The following FTCDNL1 variants were observed in gnomAD, a reference collection of about 807,000 sequenced individuals.
FTCDNL1 encodes formiminotransferase cyclodeaminase N-terminal like, also known as formiminotransferase N-terminal subdomain-containing protein.
In FTCDNL1, 11 loss-of-function variants were observed where a neutral mutation model predicts 5.9. That is an observed-to-expected ratio of 1.87 (90% CI 1.18 to 3.10). The LOEUF is 3.10. Ranked by LOEUF, FTCDNL1 falls within the 30% of genes most tolerant of loss-of-function variation. The probability of loss-of-function intolerance (pLI) is 0.00; values close to 1 mark genes in which losing one functional copy is unlikely to be tolerated. For synonymous variants in FTCDNL1, 58 were observed against 24.8 expected, an observed-to-expected ratio of 2.34 and a Z score of -3.99; for missense variants, 115 against 65.5, an observed-to-expected ratio of 1.76 and a Z score of -2.61.
chr2:199,778,691 G>C (rs1201306172), intron 3 of FTCDNL1, among the ~76,000 whole-genome samples: 1 of 152,174 alleles, frequency 6.6e-6, no homozygotes, highest in African/African-American at 2.4e-5. Context: ...CTGAGTGTGG[G>C]ATTACAAAAA....
chr2:199,822,944 A>C (rs556364985), intron 3 of FTCDNL1, among the ~76,000 whole-genome samples: 43 of 152,260 alleles, frequency 2.8e-4, no homozygotes, highest in African/African-American at 9.6e-4. Context: ...TCTGCCTCCC[A>C]GGTTCAAGTG....
the FTCDNL1 span, among the ~76,000 whole-genome samples, chr2:199,672,274 A>G: frequency 6.6e-6 from 1 of 152,212 alleles, no homozygotes; most frequent in Non-Finnish European, 1.5e-5. Flanking sequence ...TCAAACTGAC[A>G]TGAGAGGGTC....
downstream of FTCDNL1, among the ~76,000 whole-genome samples, chr2:199,805,835 C>T (rs897078744): frequency 4.6e-5 from 7 of 151,870 alleles, no homozygotes; most frequent in African/African-American, 1.5e-4. Context: ...GGGAGGATCA[C>T]TTCAGCCTGG....
intron 3 of FTCDNL1, among the ~76,000 whole-genome samples, chr2:199,763,877 C>T (rs1698385060): frequency 6.6e-6 from 1 of 151,940 alleles, no homozygotes; most frequent in African/African-American, 2.4e-5. Flanking sequence ...AGTCTTGCTC[C>T]GTCACACAGG....
At chr2:199,792,539 AC>A (rs1339295733) in intron 3 of FTCDNL1, among the ~76,000 whole-genome samples, 1 of 152,066 alleles carries the variant, frequency 6.6e-6, no homozygotes, top group Non-Finnish European at 1.5e-5. Context: ...AAATTTCTGT[AC>A]CTTTCGTGCC....
In FTCDNL1 at chr2:199,812,711, C is replaced by A; in HGVS notation, c.411G>T (p.Ala137=). The A allele has an allele frequency of 1.4e-6, 1 of 698,784 alleles. No homozygotes were observed. Among genetic ancestry groups the A allele is most frequent in the Non-Finnish European group, 2.6e-6 (1 of 383,488 alleles). 43.3% of individuals were successfully genotyped at this position (698,784 alleles called of 1,614,324 possible). The change falls in exon 5 of 5, where the codon GCG becomes GCT. Residue 137 remains alanine, a synonymous_variant. Transcript: ENST00000420128. ...TTTTCTTCCAACACAACTGTCACAA[C>A]GCCCTGAAGCAAGCTAAAAACAAGG... ...QRCGLTACFR[A]L
chr2:199,771,300 A>G (rs916747460), intron 3 of FTCDNL1, among the ~76,000 whole-genome samples: 7 of 152,162 alleles, frequency 4.6e-5, no homozygotes, highest in Non-Finnish European at 7.3e-5. Flanking sequence ...GTTTCAGACA[A>G]TGAGTATTCT....
intron 3 of FTCDNL1, among the ~76,000 whole-genome samples, chr2:199,766,557 G>A (rs934085708): frequency 1.3e-5 from 2 of 152,196 alleles, no homozygotes; most frequent in Non-Finnish European, 2.9e-5. Flanking sequence ...TCAGAAATAT[G>A]TAGATAATCA....
At chr2:199,677,904 T>C in the FTCDNL1 span, among the ~76,000 whole-genome samples, 3 of 152,150 alleles carry the variant, frequency 2.0e-5, no homozygotes, top group Non-Finnish European at 4.4e-5. Context: ...GAGAAACAGT[T>C]CCATTGAGGA....
the FTCDNL1 span, among the ~76,000 whole-genome samples, chr2:199,673,152 A>T: frequency 2.0e-5 from 3 of 151,648 alleles, no homozygotes; most frequent in African/African-American, 7.3e-5. Flanking sequence ...ACATGGTGAA[A>T]CCCCGTCTCT....
At chr2:199,825,359 C>G (rs1221713857) in intron 3 of FTCDNL1, among the ~76,000 whole-genome samples, 1 of 152,088 alleles carries the variant, frequency 6.6e-6, no homozygotes, top group Admixed American at 6.5e-5. Flanking sequence ...TACTAAAAGG[C>G]CACAGCTCCT....
chr2:199,737,934 T>A, the FTCDNL1 span, among the ~76,000 whole-genome samples: 8 of 152,190 alleles, frequency 5.3e-5, no homozygotes, highest in Non-Finnish European at 8.8e-5. Context: ...GACATAAGGT[T>A]CCCTGTTTCT....
downstream of FTCDNL1, among the ~76,000 whole-genome samples, chr2:199,758,426 G>C (rs1220382901): frequency 6.6e-6 from 1 of 150,816 alleles, no homozygotes; most frequent in Non-Finnish European, 1.5e-5. Context: ...TTAGTGGTCA[G>C]GGAAAAGCAA....
At chr2:199,848,602 C>T (rs1471890629) in intron 2 of FTCDNL1, among the ~76,000 whole-genome samples, 6 of 152,222 alleles carry the variant, frequency 3.9e-5, no homozygotes, top group Non-Finnish European at 5.9e-5. Context: ...GAGATTCACA[C>T]GCAAATGTTA....
At chr2:199,771,845 G>A (rs936653414) in intron 3 of FTCDNL1, among the ~76,000 whole-genome samples, 8 of 152,072 alleles carry the variant, frequency 5.3e-5, no homozygotes, top group Admixed American at 2.0e-4. Flanking sequence ...CTTATCCATG[G>A]GAGATATGTT....
chr2:199,754,808 T>C, the FTCDNL1 span, among the ~76,000 whole-genome samples: 1 of 152,198 alleles, frequency 6.6e-6, no homozygotes, highest in Admixed American at 6.5e-5. Flanking sequence ...TATCCTTCTG[T>C]AGCTGCTTCC....
chr2:199,803,265 C>T (rs1700556918), intron 3 of FTCDNL1, among the ~76,000 whole-genome samples: 1 of 150,594 alleles, frequency 6.6e-6, no homozygotes, highest in Non-Finnish European at 1.5e-5. Context: ...TGGAGAGAGG[C>T]CTAAGATCTG....
the FTCDNL1 span, among the ~76,000 whole-genome samples, chr2:199,696,166 C>A: frequency 6.6e-6 from 1 of 151,766 alleles, no homozygotes; most frequent in Non-Finnish European, 1.5e-5. Context: ...CATGCACATG[C>A]CGCCACCCTG....
intron 3 of FTCDNL1, among the ~76,000 whole-genome samples, chr2:199,776,813 GATGT>G (rs1559177550): frequency 6.6e-6 from 1 of 151,850 alleles, no homozygotes; most frequent in Non-Finnish European, 1.5e-5. Flanking sequence ...GAATGAATAG[GATGT>G]GTGTGTATGA....
Sources: gnomAD v4.1 joint callset for allele counts (sites outside exome capture counted in the v4.1 genomes callset) on GRCh38, gnomAD v4.1.1 for gene constraint, MANE v1.5 for transcripts, NCBI Gene and HGNC (gene_info 2026-07-23, HGNC 2026-07-21) for gene names.